Variants in CLNK observed in about 807,000 individuals in gnomAD.
CLNK encodes the protein cytokine-dependent hematopoietic cell linker.
Under a neutral mutation model 68.6 loss-of-function variants are expected in CLNK, and 74 were observed. The observed-to-expected ratio is 1.08, with a 90% CI of 0.89 to 1.31. CLNK has a LOEUF of 1.31. Ranked by LOEUF, CLNK falls within the 50% of genes most tolerant of loss-of-function variation. The pLI is 0.00. For missense variants in CLNK, 553 were observed against 515.3 expected (o/e 1.07, Z -0.71); for synonymous variants, 198 against 172.2 (o/e 1.15, Z -1.17).
intron 8 of CLNK, among the ~76,000 whole-genome samples, chr4:10,554,171 GA>G (rs551893966): frequency 5.9e-5 from 9 of 152,202 alleles, no homozygotes; most frequent in Non-Finnish European, 1.3e-4. Context: ...TGCTTCTGAA[GA>G]ACCCCTCCAT....
At chr4:10,593,077 T>C (rs955910180) in intron 3 of CLNK, among the ~76,000 whole-genome samples, 1 of 152,120 alleles carries the variant, frequency 6.6e-6, no homozygotes. Flanking sequence ...AGAAAGCCAG[T>C]GGAACAACAC....
At chr4:10,629,286 T>C (rs1486714083) in intron 2 of CLNK, among the ~76,000 whole-genome samples, 1 of 152,114 alleles carries the variant, frequency 6.6e-6, no homozygotes, top group Non-Finnish European at 1.5e-5. Context: ...GAAGGAGAAA[T>C]TTTCCCTTTG....
intron 8 of CLNK, among the ~76,000 whole-genome samples, chr4:10,549,541 G>A (rs1719366083): frequency 6.6e-6 from 1 of 152,206 alleles, no homozygotes; most frequent in African/African-American, 2.4e-5. Flanking sequence ...ATGGATTGAG[G>A]AGTGAATGAA....
chr4:10,527,558 A>G (rs1560202195), intron 13 of CLNK, among the ~76,000 whole-genome samples: 1 of 152,356 alleles, frequency 6.6e-6, no homozygotes, highest in East Asian at 1.9e-4. Context: ...AATGGAGAAC[A>G]GTATTTCACA....
At chr4:10,575,648 G>GC (rs1720533694) in intron 4 of CLNK, among the ~76,000 whole-genome samples, 2 of 152,378 alleles carry the variant, frequency 1.3e-5, no homozygotes, top group Admixed American at 6.5e-5. Context: ...CAGCCCTGGG[G>GC]CGTTGGCTGT....
intron 8 of CLNK, among the ~76,000 whole-genome samples, chr4:10,549,789 CAA>C (rs1292963947): frequency 2.0e-5 from 3 of 152,216 alleles, no homozygotes; most frequent in East Asian, 3.8e-4. Flanking sequence ...AACAGTTGTT[CAA>C]AGTCTTTCCC....
intron 5 of CLNK, among the ~76,000 whole-genome samples, chr4:10,567,131 G>GAAAAAAAAAAAAAAAAAAAAAAATAAA (rs61037076): frequency 9.0e-6 from 1 of 110,552 alleles, no homozygotes. Flanking sequence ...ACAATCTTGG[G>GAAAAAAAAAAAAAAAAAAAAAAATAAA]AAAAAAAAAA....
chr4:10,496,115 A>G (rs1265142753), intron 18 of CLNK, among the ~76,000 whole-genome samples: 1 of 152,186 alleles, frequency 6.6e-6, no homozygotes, highest in Non-Finnish European at 1.5e-5. Flanking sequence ...GCCACTATTT[A>G]CATCAACTCA....
chr4:10,491,822 T>A (rs1476628215), intron 18 of CLNK, among the ~76,000 whole-genome samples: 1 of 152,164 alleles, frequency 6.6e-6, no homozygotes, highest in South Asian at 2.1e-4. Flanking sequence ...TTTGGTTACA[T>A]GGATGAATTG....
At position 10,489,614 on chromosome 4, in the gene CLNK, T is replaced by G. The variant is rs1235865101; in HGVS notation, c.*853A>C. 6.6e-6 allele frequency: 1 copy of G among 151,698 alleles called. No homozygotes were observed. The highest frequency in any genetic ancestry group is 1.5e-5 in the Non-Finnish European group (1 of 67,924). The allele number at this position is 151,698 out of a possible 1,614,324, so 9.4% of individuals were successfully genotyped here. On this transcript the variant is annotated 3_prime_UTR_variant, in exon 19 of 19. Transcript: ENST00000226951. ...TTTTCCATACCACATTTCTTCCCTA[T>G]ACTTGAATTTCTAGGATTACAATAA...
rs189328767 is a variant in CLNK, at chr4:10,618,829, A to G, written c.12-20780T>C. Among the ~76,000 whole-genome samples the G allele has an allele frequency of 5.3e-5, 8 of 152,326 alleles. No homozygotes were observed. The East Asian group carries it at 1.5e-3, about 29-fold the overall frequency. On this transcript the variant is annotated intron_variant, in intron 2 of 18. Transcript: ENST00000226951. Reference sequence around the variant, plus strand: ...CGGTTATGTTATGAGAACAGCATCAAGGGGATGGTGCTAACTCATTCGTGA... The same window carrying G: ...CGGTTATGTTATGAGAACAGCATCAGGGGGATGGTGCTAACTCATTCGTGA...
intron 16 of CLNK, among the ~76,000 whole-genome samples, chr4:10,509,187 C>T (rs907349304): frequency 7.9e-5 from 12 of 151,576 alleles, no homozygotes; most frequent in African/African-American, 2.9e-4. Context: ...TCTTTGGTCT[C>T]TCATTCATTT....
rs539118821 is a variant in CLNK, at chr4:10,564,081, C to T, written c.399+590G>A. Among the ~76,000 whole-genome samples, 20 of 149,768 alleles carry T rather than the reference C, an allele frequency of 1.3e-4. No individual in the cohort carries two copies. The South Asian group carries it at 4.2e-3, about 31-fold the overall frequency. Reference sequence around the variant, plus strand: ...TAAAATTCTATGTATGCATTTAGGGCATTTGCATTTACTAGATTTTTTCTT... The same window carrying T: ...TAAAATTCTATGTATGCATTTAGGGTATTTGCATTTACTAGATTTTTTCTT... On this transcript the variant is annotated intron_variant, in intron 7 of 18. Transcript: ENST00000226951.
chr4:10,725,965 G>C, the CLNK span, among the ~76,000 whole-genome samples: 3 of 152,214 alleles, frequency 2.0e-5, no homozygotes, highest in African/African-American at 7.2e-5. Context: ...AAACAGAGTG[G>C]CTGACACCAA....
At chr4:10,652,606 G>C (rs1274544105) in intron 2 of CLNK, among the ~76,000 whole-genome samples, 1 of 151,960 alleles carries the variant, frequency 6.6e-6, no homozygotes, top group Non-Finnish European at 1.5e-5. Context: ...TTCCCAAGCA[G>C]GTCACTACAT....
At chr4:10,730,919 C>G in the CLNK span, among the ~76,000 whole-genome samples, 5 of 152,282 alleles carry the variant, frequency 3.3e-5, no homozygotes, top group South Asian at 1.0e-3. Flanking sequence ...ACACACACAT[C>G]TTTTTGTGTG....
chr4:10,689,745 A>ATTTTCTTTTTTTTTTT (rs1725395881), upstream of CLNK, among the ~76,000 whole-genome samples: 1 of 100,094 alleles, frequency 1.0e-5, no homozygotes. Flanking sequence ...AAACCCATGC[A>ATTTTCTTTTTTTTTTT]TTTTTTTTTT....
chr4:10,525,843 G>A lies in CLNK; in HGVS notation c.729C>T (p.Ser243=). 1 of 1,571,898 alleles carries A rather than the reference G, an allele frequency of 6.4e-7. No individual in the cohort carries two copies. The change falls in exon 14 of 19, where the codon AGC becomes AGT. Residue 243 remains serine (S), a splice_region_variant and synonymous_variant. Coordinates refer to ENST00000226951, the MANE Select transcript of CLNK (RefSeq NM_052964.4). Reference sequence around the variant, plus strand: ...AGAAAGGATTCCTGGCTCCTTACCTGCTAATGGCAAGTGGAATCTCTTGAG... The same window carrying A: ...AGAAAGGATTCCTGGCTCCTTACCTACTAATGGCAAGTGGAATCTCTTGAG... The part of the protein sequence containing the change: ...QNTQEIPLAI[S]SSSFTTSNHS...
the CLNK span, among the ~76,000 whole-genome samples, chr4:10,726,812 C>T: frequency 6.6e-6 from 1 of 152,218 alleles, no homozygotes; most frequent in African/African-American, 2.4e-5. Context: ...TTGTGAGCTG[C>T]ATCCTTCCCG....
Sources: allele counts gnomAD v4.1 joint callset (sites outside exome capture counted in the v4.1 genomes callset), GRCh38; gene constraint gnomAD v4.1.1; transcripts MANE v1.5; gene names NCBI Gene and HGNC (gene_info 2026-07-23, HGNC 2026-07-21).